Variants in ELMO1 observed in about 807,000 individuals in gnomAD.
ELMO1 encodes the protein engulfment and cell motility protein 1.
In ELMO1, 26 loss-of-function variants were observed where a neutral mutation model predicts 98.9. That is an observed-to-expected ratio of 0.26 (90% confidence interval 0.19 to 0.36). The LOEUF (loss-of-function observed/expected upper bound fraction) is 0.36, where lower values mean the gene tolerates loss of function less well. Among genes scored for constraint, ELMO1 ranks in the 10% least tolerant of loss-of-function variants. The pLI, the probability that ELMO1 is intolerant of heterozygous loss-of-function variation, is 1.00. For missense variants in ELMO1, 627 were observed against 935.2 expected (o/e 0.67, Z 4.30); for synonymous variants, 346 against 346.0 (o/e 1.00, Z 0.00).
At chr7:37,254,765 C>A (rs1353265209) in intron 6 of ELMO1, among the ~76,000 whole-genome samples, 1 of 152,150 alleles carries the variant, frequency 6.6e-6, no homozygotes, top group Admixed American at 6.5e-5. Flanking sequence ...TTATGCAGTG[C>A]GTGACTGTAG....
chr7:37,204,012 C>T (rs1792456306), intron 13 of ELMO1: 2 of 439,340 alleles, frequency 4.6e-6, no homozygotes, highest in Admixed American at 2.5e-5. Context: ...CCACGCTAGT[C>T]GCTTTTAACT....
At chr7:36,949,340 A>G (rs181587858) in intron 16 of ELMO1, among the ~76,000 whole-genome samples, 1 of 152,260 alleles carries the variant, frequency 6.6e-6, no homozygotes, top group East Asian at 1.9e-4. Flanking sequence ...GGATATAAAT[A>G]TCTGCTGATT....
intron 13 of ELMO1, among the ~76,000 whole-genome samples, chr7:37,140,848 A>G (rs560813392): frequency 4.6e-5 from 7 of 152,292 alleles, no homozygotes; most frequent in East Asian, 1.9e-4. Context: ...CCTGACTCCT[A>G]TAAGAATGGC....
intron 1 of ELMO1, among the ~76,000 whole-genome samples, chr7:37,358,752 C>T (rs1801589181): frequency 6.6e-6 from 1 of 152,096 alleles, no homozygotes; most frequent in Admixed American, 6.5e-5. Context: ...GCAGACAGAC[C>T]TGGACTGGAA....
At chr7:37,336,284 A>C (rs1442164703) in intron 2 of ELMO1, among the ~76,000 whole-genome samples, 3 of 152,140 alleles carry the variant, frequency 2.0e-5, no homozygotes, top group African/African-American at 7.2e-5. Context: ...TAACCTCAAA[A>C]AGTTGGTAAT....
chr7:37,152,078 A>C (rs1290305394), intron 13 of ELMO1, among the ~76,000 whole-genome samples: 1 of 152,244 alleles, frequency 6.6e-6, no homozygotes, highest in African/African-American at 2.4e-5. Context: ...TGTGAATGCC[A>C]CATTGCCCCT....
chr7:37,124,668 C>T (rs1444187192), intron 14 of ELMO1, among the ~76,000 whole-genome samples: 3 of 152,182 alleles, frequency 2.0e-5, no homozygotes, highest in Admixed American at 6.5e-5. Flanking sequence ...ATTCCATGCT[C>T]ATGGGTAGGA....
At chr7:37,187,134 A>C (rs1252119105) in intron 13 of ELMO1, among the ~76,000 whole-genome samples, 1 of 152,216 alleles carries the variant, frequency 6.6e-6, no homozygotes, top group Non-Finnish European at 1.5e-5. Flanking sequence ...CAATAAGAAG[A>C]AACAAAGAAC....
intron 1 of ELMO1, among the ~76,000 whole-genome samples, chr7:37,379,253 G>A (rs916542477): frequency 1.3e-5 from 2 of 152,120 alleles, no homozygotes; most frequent in African/African-American, 2.4e-5. Context: ...TGTTAGCCAG[G>A]ATGGTCTCGA....
At chr7:37,227,776 G>T (rs1793949444) in intron 8 of ELMO1, among the ~76,000 whole-genome samples, 3 of 152,074 alleles carry the variant, frequency 2.0e-5, no homozygotes, top group Admixed American at 1.3e-4. Flanking sequence ...GCTGCCAGTG[G>T]GCTTGCTCAA....
intron 19 of ELMO1, among the ~76,000 whole-genome samples, chr7:36,876,315 C>CT (rs552059930): frequency 9.0e-5 from 13 of 145,146 alleles, no homozygotes; most frequent in East Asian, 4.0e-4. Context: ...GTCCTTCTTA[C>CT]TTTTTTTTTT....
At chr7:37,176,390 T>C (rs1434471038) in intron 13 of ELMO1, among the ~76,000 whole-genome samples, 1 of 152,206 alleles carries the variant, frequency 6.6e-6, no homozygotes, top group Non-Finnish European at 1.5e-5. Flanking sequence ...AAAAGCAACA[T>C]ATAGCCTAAC....
intron 16 of ELMO1, among the ~76,000 whole-genome samples, chr7:36,975,014 G>A (rs527327142): frequency 2.0e-5 from 3 of 152,214 alleles, no homozygotes; most frequent in Admixed American, 6.5e-5. Flanking sequence ...AACTCCAGAC[G>A]CGCCACCTTA....
chr7:37,300,817 T>C (rs556839124), intron 4 of ELMO1, among the ~76,000 whole-genome samples: 139 of 151,780 alleles, frequency 9.2e-4, no homozygotes, highest in African/African-American at 2.9e-3. Context: ...CTTTTTCTAT[T>C]GATTGGAATA....
chr7:37,030,449 A>C (rs112063910), intron 15 of ELMO1, among the ~76,000 whole-genome samples: 11 of 151,770 alleles, frequency 7.2e-5, no homozygotes, highest in African/African-American at 9.7e-5. Flanking sequence ...TTACTATTCT[A>C]CAACACATAG....
intron 1 of ELMO1, among the ~76,000 whole-genome samples, chr7:37,406,807 G>C (rs1031213459): frequency 6.6e-6 from 1 of 152,038 alleles, no homozygotes; most frequent in Non-Finnish European, 1.5e-5. Flanking sequence ...GGATCTCAAA[G>C]GTCCTTCCAA....
rs191316802 is a variant in ELMO1, at chr7:37,301,460, T to C, written c.192+13390A>G. 5.9e-5 allele frequency among the ~76,000 whole-genome samples: 9 copies of C among 152,246 alleles called. 1 individual carries two copies. In the South Asian group the frequency reaches 6.2e-4, roughly 11 times the overall value. On this transcript the variant is annotated intron_variant, in intron 4 of 21. Coordinates refer to ENST00000310758, the MANE Select transcript of ELMO1 (RefSeq NM_014800.11). ...TGTGTTTTGTAGTATTTCTCCCCCA[T>C]AGGAGTTCAAAAGCAAATGAAGCTT...
At chr7:37,110,007 G>A (rs891955962) in intron 14 of ELMO1, among the ~76,000 whole-genome samples, 5 of 152,182 alleles carry the variant, frequency 3.3e-5, no homozygotes, top group South Asian at 2.1e-4. Context: ...AACCTTGACC[G>A]CCTCCAGATT....
intron 8 of ELMO1, among the ~76,000 whole-genome samples, chr7:37,226,063 G>A (rs552779986): frequency 1.3e-5 from 2 of 152,162 alleles, no homozygotes; most frequent in Non-Finnish European, 2.9e-5. Flanking sequence ...GCACACCATG[G>A]CAGTTCCCAG....
Sources: allele counts gnomAD v4.1 joint callset (sites outside exome capture counted in the v4.1 genomes callset), GRCh38; gene constraint gnomAD v4.1.1; transcripts MANE v1.5; gene names NCBI Gene and HGNC (gene_info 2026-07-23, HGNC 2026-07-21).